ACADM: variants seen among roughly 807,000 people sequenced by gnomAD.
The protein encoded by ACADM is acyl-CoA dehydrogenase medium chain.
A neutral mutation model predicts 58.9 loss-of-function variants in ACADM; 49 were observed. The ratio of observed to expected loss-of-function variants is 0.83; its 90% CI spans 0.66 to 1.06. ACADM has a LOEUF of 1.06. ACADM is among the 50% of genes least tolerant of loss of function. The pLI, the probability that ACADM is intolerant of heterozygous loss-of-function variation, is 0.00. For synonymous variants in ACADM, 160 were observed against 157.7 expected, an observed-to-expected ratio of 1.01 and a Z score of -0.11; for missense variants, 496 against 507.0, an observed-to-expected ratio of 0.98 and a Z score of 0.21.
At chr1:75,752,283 A>G (rs957357367) in intron 10 of ACADM, among the ~76,000 whole-genome samples, 6 of 152,138 alleles carry the variant, frequency 3.9e-5, no homozygotes, top group African/African-American at 1.2e-4. Context: ...GTGGTTCTCA[A>G]ACTATTTGTG....
chr1:75,727,711 C>T (rs1012759938), intron 1 of ACADM, among the ~76,000 whole-genome samples: 4 of 151,748 alleles, frequency 2.6e-5, no homozygotes, highest in Admixed American at 2.6e-4. Context: ...TGTAAAGGAA[C>T]GGATAGTACA....
In ACADM at chr1:75,733,586, A is replaced by T; in HGVS notation, c.345A>T (p.Gly115=). ...ACLISEELAY[G]CTGVQTAIEG... is the part of the protein sequence containing the mutation. ...TAATTAGTGAAGAATTGGCTTATGGATGTACAGGGGTTCAGACTGCTATTG... is the reference window on the plus strand; with the variant it reads ...TAATTAGTGAAGAATTGGCTTATGGTTGTACAGGGGTTCAGACTGCTATTG... The change falls in exon 5 of 12, where the codon GGA becomes GGT. Residue 115 remains glycine, a synonymous_variant. Coordinates refer to ENST00000370841, the MANE Select transcript of ACADM (RefSeq NM_000016.6). 6.2e-7 allele frequency: 1 copy of T among 1,614,100 alleles called. No individual in the cohort carries two copies. Among genetic ancestry groups the T allele is most frequent in the African/African-American group, 1.3e-5 (1 of 75,048 alleles).
intron 2 of ACADM, among the ~76,000 whole-genome samples, chr1:75,729,284 C>CTTTTT (rs1647105645): frequency 4.2e-5 from 3 of 70,922 alleles, no homozygotes; most frequent in Non-Finnish European, 8.6e-5. Context: ...CTTTTTCTTT[C>CTTTTT]TTTCTTTTTT....
At chr1:75,738,724 T>TG (rs147586653) in intron 6 of ACADM, among the ~76,000 whole-genome samples, 7,443 of 152,002 alleles carry the variant, frequency 0.049, 278 homozygotes, top group African/African-American at 0.11. Context: ...GGATTACAGG[T>TG]GGGGGGCCAC....
intron 4 of ACADM, chr1:75,733,320 C>A (rs1030420268): frequency 2.7e-6 from 3 of 1,107,160 alleles, no homozygotes; most frequent in South Asian, 3.4e-5. Context: ...GTTCAAATTA[C>A]AAATAGTAAA....
chr1:75,756,892 T>C (rs1483626350), intron 10 of ACADM, among the ~76,000 whole-genome samples: 1 of 152,090 alleles, frequency 6.6e-6, no homozygotes, highest in African/African-American at 2.4e-5. Context: ...ATAGAGCCCT[T>C]GGAAATAATA....
At chr1:75,750,763 T>C in intron 10 of ACADM, 1 of 554,816 alleles carries the variant, frequency 1.8e-6, no homozygotes, top group Non-Finnish European at 3.2e-6. Context: ...TTTTTTTTTT[T>C]TTTGAGATGG....
intron 10 of ACADM, among the ~76,000 whole-genome samples, chr1:75,754,288 A>C (rs1185984059): frequency 6.6e-6 from 1 of 150,880 alleles, no homozygotes; most frequent in Non-Finnish European, 1.5e-5. Flanking sequence ...GCTCCCTGCA[A>C]CCTCTGCCCC....
chr1:75,733,172 G>A (rs1284926539), intron 4 of ACADM: 4 of 1,612,158 alleles, frequency 2.5e-6, no homozygotes, highest in Admixed American at 3.3e-5. Context: ...TCTAGAGTTG[G>A]TCAATTTGTT....
At position 75,729,069 on chromosome 1, in the gene ACADM, C is replaced by G. The variant is rs115314495; in HGVS notation, c.118+581C>G. Among the ~76,000 whole-genome samples the G allele has an allele frequency of 9.9e-5, 15 of 152,016 alleles. 2 individuals carry two copies. Among genetic ancestry groups the G allele is most frequent in the Admixed American group, 9.8e-4 (15 of 15,278 alleles). ...CTTCTTCAAAATTTTTATTTTTTCT[C>G]TAGTTAAAAACCATTTACTCAATTT... On this transcript the variant is annotated intron_variant, in intron 2 of 11. Transcript: ENST00000370841.
Position 75,724,758 on chromosome 1 carries a change from A to G in ACADM, c.-30A>G, listed in dbSNP as rs775488206. 7.2e-6 allele frequency: 11 copies of G among 1,534,242 alleles called. No individual in the cohort carries two copies. Among genetic ancestry groups the G allele is most frequent in the Non-Finnish European group, 9.7e-6 (11 of 1,139,308 alleles). ...ATGTCAAGGCCGTGACCCGTGTATT[A>G]TTGTCCGAGTGGCCGGAACGGGAGC... On this transcript the variant is annotated 5_prime_UTR_variant, in exon 1 of 12. Transcript: ENST00000370841.
At chr1:75,725,400 C>T (rs1455456174) in intron 1 of ACADM, among the ~76,000 whole-genome samples, 1 of 152,080 alleles carries the variant, frequency 6.6e-6, no homozygotes, top group Admixed American at 6.5e-5. Flanking sequence ...TTAGATGTCA[C>T]TTAAAATTAA....
intron 6 of ACADM, among the ~76,000 whole-genome samples, chr1:75,738,854 C>T (rs896512376): frequency 1.3e-5 from 2 of 152,160 alleles, no homozygotes; most frequent in Non-Finnish European, 2.9e-5. Flanking sequence ...CACTTGCCTT[C>T]TACCACCCCC....
intron 1 of ACADM, among the ~76,000 whole-genome samples, chr1:75,725,169 T>C (rs1647030304): frequency 6.6e-6 from 1 of 151,962 alleles, no homozygotes; most frequent in African/African-American, 2.4e-5. Flanking sequence ...AAAAGAAAAA[T>C]GGAGCAGCTA....
intron 1 of ACADM, among the ~76,000 whole-genome samples, chr1:75,727,830 T>G (rs1248758597): frequency 6.6e-6 from 1 of 152,184 alleles, no homozygotes; most frequent in Non-Finnish European, 1.5e-5. Context: ...GACTCCTTGC[T>G]CAGAACATTG....
intron 10 of ACADM, chr1:75,750,773 G>A: frequency 1.9e-6 from 1 of 530,280 alleles, no homozygotes; most frequent in Non-Finnish European, 3.3e-6. Context: ...TTTTGAGATG[G>A]AGTCTCGCTC....
In ACADM at chr1:75,746,004, T is replaced by C. The variant is rs1248273373; in HGVS notation, c.708+90T>C. The C allele has an allele frequency of 3.3e-6, 3 of 921,168 alleles. No individual in the cohort carries two copies. The African/African-American group carries it at 5.0e-5, about 15-fold the overall frequency. 57.1% of individuals were successfully genotyped at this position (921,168 alleles called of 1,614,324 possible). On this transcript the variant is annotated intron_variant, in intron 8 of 11. Transcript: ENST00000370841. The stretch of plus-strand genomic sequence containing the variant: ...AACTTTCCTTTAATAAAAACATTTG[T>C]TTGTATTAAGTTGGAGTAAAAATAA...
intron 8 of ACADM, among the ~76,000 whole-genome samples, chr1:75,748,545 AAAAT>A (rs1471396870): frequency 1.3e-5 from 2 of 152,230 alleles, no homozygotes; most frequent in African/African-American, 4.8e-5. Context: ...ACTTAGCAGT[AAAAT>A]AAATGAATTA....
At chr1:75,731,574 T>A (rs1468309894) in intron 2 of ACADM, among the ~76,000 whole-genome samples, 1 of 152,204 alleles carries the variant, frequency 6.6e-6, no homozygotes, top group Non-Finnish European at 1.5e-5. Context: ...CCATACTAAT[T>A]TCATTAATTT....
Sources: allele counts gnomAD v4.1 joint callset (sites outside exome capture counted in the v4.1 genomes callset), GRCh38; gene constraint gnomAD v4.1.1; transcripts MANE v1.5; gene names NCBI Gene and HGNC (gene_info 2026-07-23, HGNC 2026-07-21).